Variants in DISC1 observed in about 807,000 individuals in gnomAD.
The protein encoded by DISC1 is disrupted in schizophrenia 1 protein.
In DISC1, 57 loss-of-function variants were observed where a neutral mutation model predicts 84.5. That is an observed-to-expected ratio of 0.67 (90% CI 0.55 to 0.84). The LOEUF (loss-of-function observed/expected upper bound fraction) is 0.84, where lower values mean the gene tolerates loss of function less well. Ranked by LOEUF, DISC1 falls within the 40% of genes least tolerant of loss-of-function variation. The probability of loss-of-function intolerance (pLI) is 0.00; values close to 1 mark genes in which losing one functional copy is unlikely to be tolerated. For synonymous variants in DISC1, 411 were observed against 415.2 expected (o/e 0.99, Z 0.12); for missense variants, 1,000 against 1,057.8 (o/e 0.95, Z 0.76).
At position 231,942,861 on chromosome 1, in the gene DISC1, G is replaced by A. The variant is rs1023337725; in HGVS notation, c.1982-15967G>A. ...CTTCTACCAGGAAAATTGCTGTCTG[G>A]GAGCCTTATAACACAGACTGCTGGG... On this transcript the variant is annotated intron_variant, in intron 9 of 12. Coordinates refer to ENST00000439617, the MANE Select transcript of DISC1 (RefSeq NM_018662.3). Among the ~76,000 whole-genome samples the A allele has an allele frequency of 6.6e-5, 10 of 152,146 alleles. 1 individual carries two copies. The highest frequency in any genetic ancestry group is 5.2e-4 in the Admixed American group (8 of 15,276).
intron 9 of DISC1, among the ~76,000 whole-genome samples, chr1:231,868,691 CTTATATATATATATATATATATATAT>C (rs1432452010): frequency 7.8e-5 from 7 of 90,200 alleles, no homozygotes; most frequent in African/African-American, 2.5e-4. Context: ...GACCCCATCT[CTTATATATATATATATATATATATAT>C]ATATATATAT....
chr1:232,028,212 A>G (rs1669659660), intron 12 of DISC1, among the ~76,000 whole-genome samples: 1 of 152,132 alleles, frequency 6.6e-6, no homozygotes, highest in African/African-American at 2.4e-5. Context: ...TGGGCAGGTG[A>G]TGGGGCACAG....
At chr1:231,806,976 C>G (rs973314751) in intron 8 of DISC1, among the ~76,000 whole-genome samples, 6 of 152,232 alleles carry the variant, frequency 3.9e-5, no homozygotes, top group Admixed American at 3.9e-4. Flanking sequence ...TGGAATGGTG[C>G]TGGGACTTTC....
At chr1:231,925,094 G>A (rs1471895180) in intron 9 of DISC1, among the ~76,000 whole-genome samples, 1 of 151,938 alleles carries the variant, frequency 6.6e-6, no homozygotes, top group Admixed American at 6.6e-5. Context: ...TGTTTATGGT[G>A]CTACTGAGGG....
At chr1:231,799,448 C>CA (rs779577774) in intron 7 of DISC1, among the ~76,000 whole-genome samples, 41 of 152,028 alleles carry the variant, frequency 2.7e-4, no homozygotes, top group Non-Finnish European at 5.0e-4. Flanking sequence ...GGCAGAGAGA[C>CA]AATGTGGAAA....
chr1:232,017,549 T>C (rs142796784), intron 11 of DISC1, among the ~76,000 whole-genome samples: 4 of 150,674 alleles, frequency 2.7e-5, no homozygotes, highest in East Asian at 2.0e-4. Flanking sequence ...TTTTTGTGGA[T>C]AGGCAAATGT....
At chr1:231,844,943 GAAAA>G (rs1045343130) in intron 9 of DISC1, among the ~76,000 whole-genome samples, 2 of 144,990 alleles carry the variant, frequency 1.4e-5, no homozygotes, top group Non-Finnish European at 3.0e-5. Flanking sequence ...AAAAAAAAAA[GAAAA>G]AAAAGAAAAA....
intron 9 of DISC1, among the ~76,000 whole-genome samples, chr1:231,951,981 A>G (rs575461718): frequency 9.4e-4 from 141 of 149,690 alleles, no homozygotes; most frequent in African/African-American, 3.2e-3. Context: ...TGTTCAAGAG[A>G]TTGAGGTGGG....
At chr1:232,004,451 A>G (rs1415684302) in intron 10 of DISC1, among the ~76,000 whole-genome samples, 3 of 152,272 alleles carry the variant, frequency 2.0e-5, no homozygotes, top group African/African-American at 7.2e-5. Flanking sequence ...AATACATTTG[A>G]AATTCATTAA....
At chr1:232,012,749 G>C (rs1277307991) in intron 11 of DISC1, among the ~76,000 whole-genome samples, 1 of 152,168 alleles carries the variant, frequency 6.6e-6, no homozygotes, top group South Asian at 2.1e-4. Flanking sequence ...TATCACAAGG[G>C]CTTTGTCGTT....
At chr1:231,881,936 T>C (rs1015539942) in intron 9 of DISC1, among the ~76,000 whole-genome samples, 5 of 152,300 alleles carry the variant, frequency 3.3e-5, no homozygotes, top group African/African-American at 7.2e-5. Context: ...GCTTCATTGA[T>C]GAGCATCTGA....
intron 10 of DISC1, among the ~76,000 whole-genome samples, chr1:231,991,809 G>A (rs1665244691): frequency 6.6e-6 from 1 of 152,184 alleles, no homozygotes; most frequent in Non-Finnish European, 1.5e-5. Context: ...TGAGGAAGCT[G>A]TTAGCAGTTT....
At chr1:231,869,277 A>G (rs1341778003) in intron 9 of DISC1, among the ~76,000 whole-genome samples, 2 of 152,130 alleles carry the variant, frequency 1.3e-5, no homozygotes, top group East Asian at 1.9e-4. Context: ...CTTTACAGAC[A>G]CTTAACTCAG....
intron 3 of DISC1, among the ~76,000 whole-genome samples, chr1:231,705,030 A>G (rs1002586419): frequency 1.3e-5 from 2 of 151,746 alleles, no homozygotes; most frequent in African/African-American, 4.8e-5. Context: ...TATACATAAT[A>G]TGTCCCTTAA....
intron 10 of DISC1, among the ~76,000 whole-genome samples, chr1:232,002,855 C>T (rs936115315): frequency 6.6e-6 from 1 of 152,004 alleles, no homozygotes; most frequent in African/African-American, 2.4e-5. Context: ...GGTACCTGAA[C>T]TTACATAAGT....
chr1:231,729,440 T>C (rs760147336), intron 3 of DISC1, among the ~76,000 whole-genome samples: 21 of 152,246 alleles, frequency 1.4e-4, no homozygotes, highest in Non-Finnish European at 3.1e-4. Flanking sequence ...GTCCAGTACA[T>C]ACACAGGTTC....
chr1:232,014,200 C>T (rs968792150), intron 11 of DISC1, among the ~76,000 whole-genome samples: 11 of 152,196 alleles, frequency 7.2e-5, no homozygotes, highest in Non-Finnish European at 1.5e-5. Flanking sequence ...GCTTCCTCTT[C>T]AGCCATAATG....
chr1:231,783,911 A>G (rs1490345098), intron 6 of DISC1, among the ~76,000 whole-genome samples: 2 of 152,056 alleles, frequency 1.3e-5, no homozygotes, highest in African/African-American at 2.4e-5. Context: ...TCCCTCCATT[A>G]TCCCTTATGA....
Position 232,038,649 on chromosome 1 carries a change from G to A in DISC1, c.*1818G>A, listed in dbSNP as rs1404227397. On this transcript the variant is annotated 3_prime_UTR_variant, in exon 13 of 13. Coordinates refer to ENST00000439617, the MANE Select transcript of DISC1 (RefSeq NM_018662.3). ...GTACAGCACTGCATTCTCTGAGGAA[G>A]TCCCAGTCCAAACTCTGATTTACAT... The A allele has an allele frequency of 6.6e-6, 1 of 152,058 alleles. No individual in the cohort carries two copies. The highest frequency in any genetic ancestry group is 1.5e-5 in the Non-Finnish European group (1 of 68,016). The allele number at this position is 152,058 out of a possible 1,614,324, so 9.4% of individuals were successfully genotyped here. A position where few individuals can be genotyped will look rare whatever the true frequency, so the allele number is the denominator to read the frequency against.
Sources: allele counts gnomAD v4.1 joint callset (sites outside exome capture counted in the v4.1 genomes callset), GRCh38; gene constraint gnomAD v4.1.1; transcripts MANE v1.5; gene names NCBI Gene and HGNC (gene_info 2026-07-23, HGNC 2026-07-21).